CUX1: variants seen among roughly 807,000 people sequenced by gnomAD.
The protein encoded by CUX1 is protein CASP.
Under a neutral mutation model 158.8 loss-of-function variants are expected in CUX1, and 31 were observed. The ratio of observed to expected loss-of-function variants is 0.20; its 90% CI spans 0.15 to 0.26. CUX1 has a LOEUF of 0.26. Among genes scored for constraint, CUX1 ranks in the 10% least tolerant of loss-of-function variants. CUX1 has a pLI of 1.00. For synonymous variants in CUX1, 879 were observed against 862.1 expected (o/e 1.02, Z -0.34); for missense variants, 1,589 against 2,014.6 (o/e 0.79, Z 4.04).
intron 18 of CUX1, among the ~76,000 whole-genome samples, chr7:102,278,712 A>C (rs1791815081): frequency 6.8e-6 from 1 of 147,318 alleles, no homozygotes; most frequent in Non-Finnish European, 1.5e-5. Flanking sequence ...AAAATAGTAA[A>C]GTAAAATAAA....
chr7:102,184,965 G>A (rs1428818888), intron 11 of CUX1, among the ~76,000 whole-genome samples: 1 of 152,280 alleles, frequency 6.6e-6, no homozygotes, highest in Admixed American at 6.5e-5. Context: ...CATTTTTCAG[G>A]AAGATGACCA....
At chr7:101,978,183 A>G (rs557167391) in intron 2 of CUX1, among the ~76,000 whole-genome samples, 1 of 152,174 alleles carries the variant, frequency 6.6e-6, no homozygotes, top group East Asian at 1.9e-4. Flanking sequence ...TGGCGTCTAT[A>G]TTTATATTAA....
At position 102,003,798 on chromosome 7, in the gene CUX1, G is replaced by A. The variant is rs555136082; in HGVS notation, c.142-24300G>A. Among the ~76,000 whole-genome samples the A allele has an allele frequency of 9.2e-5, 14 of 152,240 alleles. No homozygotes were observed. The South Asian group carries it at 1.9e-3, about 20-fold the overall frequency. On this transcript the variant is annotated intron_variant, in intron 2 of 23. Transcript: ENST00000292535. ...GCAACCCCAGTTTTAGAATAACATAGGATATTAAATATCACCATCTCCTTG... is the reference window on the plus strand; with the variant it reads ...GCAACCCCAGTTTTAGAATAACATAAGATATTAAATATCACCATCTCCTTG...
At chr7:102,034,216 A>C (rs1435175168) in intron 3 of CUX1, among the ~76,000 whole-genome samples, 2 of 150,872 alleles carry the variant, frequency 1.3e-5, no homozygotes, top group Non-Finnish European at 3.0e-5. Flanking sequence ...CAAAGGTATT[A>C]GTAAATTAAG....
intron 1 of CUX1, among the ~76,000 whole-genome samples, chr7:101,900,137 C>T (rs1200951413): frequency 2.0e-5 from 3 of 152,184 alleles, no homozygotes; most frequent in Non-Finnish European, 2.9e-5. Flanking sequence ...CACTTCTGGG[C>T]AGCCCATGAA....
intron 3 of CUX1, among the ~76,000 whole-genome samples, chr7:102,033,996 A>G (rs1821109136): frequency 1.3e-5 from 2 of 151,814 alleles, no homozygotes; most frequent in African/African-American, 4.8e-5. Context: ...AAATATAAAA[A>G]TTAGCCGGGA....
chr7:101,974,460 G>T (rs572507880), intron 2 of CUX1, among the ~76,000 whole-genome samples: 2 of 152,192 alleles, frequency 1.3e-5, no homozygotes, highest in African/African-American at 4.8e-5. Flanking sequence ...ACTAGGAAAC[G>T]AGAGCTTTTA....
intron 11 of CUX1, among the ~76,000 whole-genome samples, chr7:102,180,282 A>G (rs1168677945): frequency 1.3e-5 from 2 of 150,662 alleles, no homozygotes; most frequent in African/African-American, 2.4e-5. Context: ...TCGGCCTCCC[A>G]AAGTGCTGGG....
intron 15 of CUX1, chr7:102,273,604 C>T: frequency 7.4e-7 from 1 of 1,355,362 alleles, no homozygotes; most frequent in Non-Finnish European, 1.0e-6. Flanking sequence ...TGGTGACAAC[C>T]CAGAAGGGCT....
At chr7:102,189,140 G>A (rs1793990017) in intron 11 of CUX1, among the ~76,000 whole-genome samples, 1 of 152,094 alleles carries the variant, frequency 6.6e-6, no homozygotes, top group South Asian at 2.1e-4. Flanking sequence ...ATACAAAAGG[G>A]CTGTGTCTCT....
intron 6 of CUX1, among the ~76,000 whole-genome samples, chr7:102,107,170 G>A (rs1426428480): frequency 6.6e-6 from 1 of 151,838 alleles, no homozygotes; most frequent in East Asian, 1.9e-4. Flanking sequence ...GGAGTTCCAG[G>A]CTGCAGTGAG....
At chr7:102,277,665 A>G (rs1395923387) in intron 17 of CUX1, among the ~76,000 whole-genome samples, 2 of 152,208 alleles carry the variant, frequency 1.3e-5, no homozygotes, top group Admixed American at 6.5e-5. Context: ...TTGCTCTGTC[A>G]TATATTAAGG....
At position 102,201,950 on chromosome 7, in the gene CUX1, G is replaced by A. The variant is rs781850312; in HGVS notation, c.2653G>A (p.Ala885Thr). 17 of 1,613,950 alleles carry A rather than the reference G, an allele frequency of 1.1e-5. No individual in the cohort carries two copies. The highest frequency in any genetic ancestry group is 6.7e-5 in the Admixed American group (4 of 59,996). Residue 885 changes from alanine to threonine, a missense_variant, in exon 18 of 24, where the codon GCT becomes ACT. Ala to Thr is a moderately conservative substitution (Grantham distance 58). Coordinates refer to ENST00000292535, the MANE Select transcript of CUX1 (RefSeq NM_181552.4). This position sits in a 1 kb window ranked among gnomAD's most constrained non-coding sequence, Gnocchi z 5.0. ...AGAGTACTGGAAGGAGTGGCCCAGC[G>A]CTGAGTCCCCATACTCCCAGAGCTC... Reference protein sequence around the residue: ...SSEYWKEWPSAESPYSQSSEL... With the variant: ...SSEYWKEWPSTESPYSQSSEL...
intron 2 of CUX1, among the ~76,000 whole-genome samples, chr7:102,013,490 C>CAA (rs763984089): frequency 6.6e-6 from 1 of 152,140 alleles, no homozygotes; most frequent in Non-Finnish European, 1.5e-5. Flanking sequence ...ATGAAAGTCA[C>CAA]TATTTGGGAA....
intron 20 of CUX1, among the ~76,000 whole-genome samples, chr7:102,215,767 G>A (rs1554524383): frequency 6.6e-6 from 1 of 152,146 alleles, no homozygotes. Flanking sequence ...CCACCACACC[G>A]GCGTGTTCCA....
chr7:102,001,856 GA>G (rs1477467558), intron 2 of CUX1, among the ~76,000 whole-genome samples: 2 of 152,216 alleles, frequency 1.3e-5, no homozygotes, highest in Non-Finnish European at 2.9e-5. Context: ...CCCCTGCTCA[GA>G]AGTGCTTAGT....
At chr7:102,135,662 G>A (rs1554498566) in intron 8 of CUX1, among the ~76,000 whole-genome samples, 1 of 151,930 alleles carries the variant, frequency 6.6e-6, no homozygotes, top group East Asian at 1.9e-4. Context: ...CATTTCTAAT[G>A]TGGTTTCAGT....
intron 1 of CUX1, among the ~76,000 whole-genome samples, chr7:101,829,622 C>A (rs1793757484): frequency 2.7e-5 from 4 of 149,374 alleles, no homozygotes; most frequent in African/African-American, 7.4e-5. Context: ...CAGGGGCCGC[C>A]CAAGATGAGC....
chr7:102,015,621 T>A (rs66894617), intron 2 of CUX1, among the ~76,000 whole-genome samples: 32,136 of 152,124 alleles, frequency 0.21, 3,896 homozygotes, highest in East Asian at 0.61. Flanking sequence ...ATGTCTTTCC[T>A]GGTGGTGGTG....
Sources: allele counts gnomAD v4.1 joint callset (sites outside exome capture counted in the v4.1 genomes callset), GRCh38; gene constraint gnomAD v4.1.1; non-coding constraint Gnocchi (gnomAD v3.1); transcripts MANE v1.5; gene names NCBI Gene and HGNC (gene_info 2026-07-23, HGNC 2026-07-21).